Variants in TMEM108 observed in about 807,000 individuals in gnomAD.
The protein encoded by TMEM108 is transmembrane protein 108.
In TMEM108, 12 loss-of-function variants were observed where a neutral mutation model predicts 35.1. The observed-to-expected ratio is 0.34, with a 90% CI of 0.22 to 0.55. The LOEUF (loss-of-function observed/expected upper bound fraction) is 0.55, where lower values mean the gene tolerates loss of function less well. TMEM108 is among the 20% of genes least tolerant of loss of function. TMEM108 has a pLI of 0.89. For synonymous variants in TMEM108, 287 were observed against 308.6 expected (o/e 0.93, Z 0.73); for missense variants, 680 against 753.3 (o/e 0.90, Z 1.14).
At chr3:133,387,951 T>C in intron 4 of TMEM108, 2 of 985,450 alleles carry the variant, frequency 2.0e-6, no homozygotes, top group Non-Finnish European at 2.4e-6. Flanking sequence ...TAGAGAGGCG[T>C]GCAAACTATA....
intron 3 of TMEM108, among the ~76,000 whole-genome samples, chr3:133,266,972 C>T (rs970161076): frequency 2.0e-5 from 3 of 148,264 alleles, no homozygotes; most frequent in East Asian, 2.0e-4. Flanking sequence ...CCCAGCTACT[C>T]GGGAGGCTGA....
rs2072979270 is a variant in TMEM108, at chr3:133,380,537, G to T, written c.826G>T (p.Asp276Tyr). The change falls in exon 4 of 6, where the codon GAC (aspartate) becomes TAC (tyrosine). Residue 276 changes from aspartate (D) to tyrosine (Y), a missense_variant. This residue lies in a region of TMEM108 where 526 missense variants were observed against 532.1 expected (regional missense o/e 0.99). Coordinates refer to ENST00000321871, the MANE Select transcript of TMEM108 (RefSeq NM_023943.4). The surrounding 1 kb of genome is among the most constrained non-coding windows in gnomAD (Gnocchi z 5.3). ...PTTTSLGPAK[D>Y]KPGLRRAAQG... Reference sequence around the variant, plus strand: ...CACCACCTCCCTGGGGCCTGCAAAGGACAAGCCAGGCCTTCGCAGAGCAGC... The same window carrying T: ...CACCACCTCCCTGGGGCCTGCAAAGTACAAGCCAGGCCTTCGCAGAGCAGC... 6.2e-7 allele frequency: 1 copy of T among 1,613,962 alleles called. No homozygotes were observed. The highest frequency in any genetic ancestry group is 8.5e-7 in the Non-Finnish European group (1 of 1,179,984).
intron 2 of TMEM108, among the ~76,000 whole-genome samples, chr3:133,077,945 AGT>A (rs1458201803): frequency 3.3e-5 from 5 of 152,130 alleles, no homozygotes; most frequent in Admixed American, 1.3e-4. Context: ...GGGCATTCAG[AGT>A]GATCACCCCA....
At chr3:133,163,505 C>A (rs1335829497) in intron 2 of TMEM108, among the ~76,000 whole-genome samples, 1 of 152,084 alleles carries the variant, frequency 6.6e-6, no homozygotes, top group East Asian at 1.9e-4. Flanking sequence ...GTGATAATAG[C>A]TATTGTGGTG....
At chr3:133,166,959 G>A (rs1682143990) in intron 2 of TMEM108, among the ~76,000 whole-genome samples, 2 of 152,130 alleles carry the variant, frequency 1.3e-5, no homozygotes, top group Admixed American at 1.3e-4. Flanking sequence ...TTTGGACAGG[G>A]TATTGATTGG....
intron 4 of TMEM108, among the ~76,000 whole-genome samples, chr3:133,385,678 A>G (rs2073130565): frequency 6.6e-6 from 1 of 152,220 alleles, no homozygotes; most frequent in African/African-American, 2.4e-5. Context: ...CTGTCCTCAC[A>G]GTTAAGCCTG....
intron 3 of TMEM108, among the ~76,000 whole-genome samples, chr3:133,342,675 T>C (rs1439428069): frequency 1.3e-5 from 2 of 150,148 alleles, no homozygotes; most frequent in South Asian, 2.1e-4. Context: ...AAATAAATAC[T>C]GCATCTTCTT....
At chr3:133,122,350 T>A (rs1576329924) in intron 2 of TMEM108, among the ~76,000 whole-genome samples, 1 of 152,226 alleles carries the variant, frequency 6.6e-6, no homozygotes. Flanking sequence ...ATAAACTTCA[T>A]AAACAATTTA....
chr3:133,096,310 G>C (rs993168081), intron 2 of TMEM108, among the ~76,000 whole-genome samples: 1 of 152,102 alleles, frequency 6.6e-6, no homozygotes, highest in Non-Finnish European at 1.5e-5. Context: ...AGGCATGCAC[G>C]ACCACATGCA....
At chr3:133,219,977 G>A (rs150786086) in intron 2 of TMEM108, among the ~76,000 whole-genome samples, 27 of 151,646 alleles carry the variant, frequency 1.8e-4, no homozygotes, top group Admixed American at 5.2e-4. Flanking sequence ...TATTTTTTAT[G>A]TATGTAGGTG....
intron 2 of TMEM108, among the ~76,000 whole-genome samples, chr3:133,050,733 G>T (rs1263040824): frequency 6.7e-6 from 1 of 150,350 alleles, no homozygotes; most frequent in Non-Finnish European, 1.5e-5. Flanking sequence ...TATCTCCATA[G>T]TTTTGCCTTC....
chr3:133,395,854 C>G lies in TMEM108; in HGVS notation c.1606-10C>G, dbSNP rs1186785537. ...CCAGCTCACTCCATCTCCTCCCTCT[C>G]TCTTCCCAGGACCAGCTCTCAGAGC... On this transcript the variant is annotated splice_polypyrimidine_tract_variant and intron_variant, in intron 5 of 5. Coordinates refer to ENST00000321871, the MANE Select transcript of TMEM108 (RefSeq NM_023943.4). 1.3e-6 allele frequency: 2 copies of G among 1,572,586 alleles called. No homozygotes were observed. The highest frequency in any genetic ancestry group is 1.7e-6 in the Non-Finnish European group (2 of 1,161,334).
At chr3:133,108,000 G>A (rs1035202957) in intron 2 of TMEM108, among the ~76,000 whole-genome samples, 22 of 152,132 alleles carry the variant, frequency 1.4e-4, no homozygotes, top group African/African-American at 5.3e-4. Flanking sequence ...GGGAGGCCAA[G>A]ATGGGTGGAT....
chr3:133,197,264 A>T (rs1945592187), intron 2 of TMEM108, among the ~76,000 whole-genome samples: 1 of 152,190 alleles, frequency 6.6e-6, no homozygotes, highest in African/African-American at 2.4e-5. Flanking sequence ...GGGCTGGAGG[A>T]GTGAAGATCA....
chr3:133,331,605 G>T (rs1266603150), intron 3 of TMEM108, among the ~76,000 whole-genome samples: 2 of 152,150 alleles, frequency 1.3e-5, no homozygotes, highest in Admixed American at 6.5e-5. Context: ...TATAGAAACT[G>T]CCCTGAGCAA....
intron 2 of TMEM108, among the ~76,000 whole-genome samples, chr3:133,191,368 A>G (rs1945495073): frequency 6.6e-6 from 1 of 152,216 alleles, no homozygotes; most frequent in East Asian, 1.9e-4. Context: ...TTAGTATGAA[A>G]TAAGCCCCTT....
chr3:133,281,971 C>T (rs999115807), intron 3 of TMEM108, among the ~76,000 whole-genome samples: 2 of 152,124 alleles, frequency 1.3e-5, no homozygotes, highest in Non-Finnish European at 2.9e-5. Context: ...TCCTGGCTAA[C>T]ACGGTGAAAC....
At chr3:133,166,586 G>A (rs1049005767) in intron 2 of TMEM108, among the ~76,000 whole-genome samples, 2 of 152,062 alleles carry the variant, frequency 1.3e-5, no homozygotes, top group Admixed American at 6.6e-5. Flanking sequence ...GCAGACCTTC[G>A]CAGTGAGTGT....
chr3:133,322,931 C>G (rs535735564), intron 3 of TMEM108, among the ~76,000 whole-genome samples: 2 of 152,106 alleles, frequency 1.3e-5, no homozygotes, highest in South Asian at 4.2e-4. Flanking sequence ...TCTCAATAGA[C>G]ACAGAAAAGC....
Sources: gnomAD v4.1 joint callset for allele counts (sites outside exome capture counted in the v4.1 genomes callset) on GRCh38, gnomAD v4.1.1 for gene constraint, gnomAD v4.1.1 regional missense constraint, Gnocchi (gnomAD v3.1) non-coding constraint, MANE v1.5 for transcripts, NCBI Gene and HGNC (gene_info 2026-07-23, HGNC 2026-07-21) for gene names.